WWOX: variants seen among roughly 807,000 people sequenced by gnomAD.
WWOX encodes the protein WW domain containing oxidoreductase, also known as WW domain-containing oxidoreductase.
In WWOX, 69 loss-of-function variants were observed where a neutral mutation model predicts 46.2. The observed-to-expected ratio is 1.49, with a 90% CI of 1.23 to 1.82. The LOEUF is 1.82. Among genes scored for constraint, WWOX ranks in the 40% most tolerant of loss-of-function variants. The pLI is 0.00. For missense variants in WWOX, 919 were observed against 542.6 expected (o/e 1.69, Z -6.89); for synonymous variants, 359 against 202.6 (o/e 1.77, Z -6.56).
At chr16:78,645,337 TG>T (rs1455268745) in intron 8 of WWOX, among the ~76,000 whole-genome samples, 1 of 152,118 alleles carries the variant, frequency 6.6e-6, no homozygotes, top group East Asian at 1.9e-4. Flanking sequence ...TGACCACCCA[TG>T]GGTGGCTTAC....
intron 4 of WWOX, among the ~76,000 whole-genome samples, chr16:78,128,517 C>T (rs1173830844): frequency 6.6e-6 from 1 of 152,190 alleles, no homozygotes; most frequent in African/African-American, 2.4e-5. Context: ...TTAAGTTTCA[C>T]CTGCCCAGGT....
At chr16:78,175,444 A>G (rs1009918399) in intron 5 of WWOX, among the ~76,000 whole-genome samples, 18 of 152,208 alleles carry the variant, frequency 1.2e-4, no homozygotes, top group Admixed American at 3.3e-4. Flanking sequence ...CATGAATAGA[A>G]TTTGGCAGAA....
At chr16:78,118,351 C>T (rs1379020504) in intron 4 of WWOX, among the ~76,000 whole-genome samples, 1 of 152,020 alleles carries the variant, frequency 6.6e-6, no homozygotes, top group Non-Finnish European at 1.5e-5. Context: ...GAGGAAATGT[C>T]AGAATAAAGC....
At position 79,211,850 on chromosome 16, in the gene WWOX, G is replaced by A. The variant is rs758601439; in HGVS notation, c.*54G>A. 34 of 1,608,606 alleles carry A rather than the reference G, an allele frequency of 2.1e-5. No homozygotes were observed. The highest frequency in any genetic ancestry group is 3.3e-5 in the South Asian group (3 of 90,518). ...ACCCGCCCTGTGTGTGTCCCCTCAC[G>A]CAAGTGCCAGGGCTGGGCCCCTTCC... On this transcript the variant is annotated 3_prime_UTR_variant, in exon 9 of 9. Coordinates refer to ENST00000566780, the MANE Select transcript of WWOX (RefSeq NM_016373.4).
At chr16:78,989,348 TC>T (rs2046839987) in intron 8 of WWOX, among the ~76,000 whole-genome samples, 1 of 152,200 alleles carries the variant, frequency 6.6e-6, no homozygotes, top group African/African-American at 2.4e-5. Context: ...GATGAACTCA[TC>T]TTTGCTTCCT....
At chr16:78,881,416 A>AGGT in intron 8 of WWOX, among the ~76,000 whole-genome samples, 1 of 152,260 alleles carries the variant, frequency 6.6e-6, no homozygotes, top group East Asian at 1.9e-4. Context: ...ACTAATATAC[A>AGGT]GGTTTTCTCC....
At chr16:78,339,154 A>G (rs1250707107) in intron 5 of WWOX, among the ~76,000 whole-genome samples, 7 of 119,864 alleles carry the variant, frequency 5.8e-5, no homozygotes, top group African/African-American at 2.0e-4. Context: ...GATGTTTAAG[A>G]AGACAGTTTT....
At chr16:78,517,697 A>T (rs1206998494) in intron 8 of WWOX, among the ~76,000 whole-genome samples, 22 of 152,068 alleles carry the variant, frequency 1.4e-4, no homozygotes, top group Non-Finnish European at 3.1e-4. Context: ...TGGAAAGGGC[A>T]TGCGTTGACT....
intron 5 of WWOX, chr16:78,278,750 T>C: frequency 1.7e-6 from 2 of 1,159,450 alleles, no homozygotes; most frequent in Non-Finnish European, 2.5e-6. Flanking sequence ...TTGACTTCTA[T>C]CTCGGTGATC....
intron 5 of WWOX, among the ~76,000 whole-genome samples, chr16:78,330,795 G>A (rs182871759): frequency 9.5e-4 from 145 of 152,312 alleles, no homozygotes; most frequent in Non-Finnish European, 1.7e-3. Flanking sequence ...CCTCAAAGGG[G>A]AATTTAATTT....
chr16:78,635,715 G>A (rs1237654303), intron 8 of WWOX, among the ~76,000 whole-genome samples: 2 of 152,106 alleles, frequency 1.3e-5, no homozygotes, highest in Admixed American at 6.5e-5. Context: ...CATCATCTCC[G>A]TCCACATCAA....
chr16:78,549,401 T>A (rs1383520393), intron 8 of WWOX, among the ~76,000 whole-genome samples: 1 of 152,210 alleles, frequency 6.6e-6, no homozygotes, highest in Admixed American at 6.5e-5. Flanking sequence ...AGAATATCAC[T>A]TTTTTATATT....
At chr16:78,245,332 C>T (rs1229181965) in intron 5 of WWOX, among the ~76,000 whole-genome samples, 1 of 152,164 alleles carries the variant, frequency 6.6e-6, no homozygotes, top group Non-Finnish European at 1.5e-5. Flanking sequence ...TCGTCATTTC[C>T]ATGGCCACGA....
intron 8 of WWOX, among the ~76,000 whole-genome samples, chr16:79,056,757 TC>T (rs996798603): frequency 1.3e-5 from 2 of 152,342 alleles, no homozygotes; most frequent in African/African-American, 4.8e-5. Context: ...AAGAAGTTTT[TC>T]TTGCTAAGTT....
intron 5 of WWOX, among the ~76,000 whole-genome samples, chr16:78,332,101 C>G (rs2080771591): frequency 6.6e-6 from 1 of 152,168 alleles, no homozygotes; most frequent in East Asian, 1.9e-4. Context: ...CCATGAAAGA[C>G]AACTTAGGTT....
chr16:79,011,790 G>A (rs959195906), intron 8 of WWOX, among the ~76,000 whole-genome samples: 3 of 151,862 alleles, frequency 2.0e-5, no homozygotes, highest in Non-Finnish European at 4.4e-5. Flanking sequence ...ACCATGCCCG[G>A]CCCCCTTTTT....
chr16:78,887,475 AC>A (rs2044490854), intron 8 of WWOX, among the ~76,000 whole-genome samples: 1 of 17,526 alleles, frequency 5.7e-5, no homozygotes, highest in Non-Finnish European at 2.8e-4. Flanking sequence ...TAAAACACAC[AC>A]ACACACACAC....
intron 5 of WWOX, among the ~76,000 whole-genome samples, chr16:78,333,789 G>A (rs555759082): frequency 1.4e-4 from 22 of 152,238 alleles, no homozygotes; most frequent in African/African-American, 4.8e-4. Context: ...CTTATTTGGC[G>A]TTTTGTTTTC....
intron 5 of WWOX, among the ~76,000 whole-genome samples, chr16:78,277,106 A>G (rs1214332972): frequency 6.6e-6 from 1 of 152,170 alleles, no homozygotes; most frequent in Admixed American, 6.5e-5. Context: ...CTCTTAACAG[A>G]GGGCAAAGAG....
Sources: gnomAD v4.1 joint callset for allele counts (sites outside exome capture counted in the v4.1 genomes callset) on GRCh38, gnomAD v4.1.1 for gene constraint, MANE v1.5 for transcripts, NCBI Gene and HGNC (gene_info 2026-07-23, HGNC 2026-07-21) for gene names.